EML4: variants seen among roughly 807,000 people sequenced by gnomAD.
The protein encoded by EML4 is EMAP like 4, also known as echinoderm microtubule-associated protein-like 4.
EML4 carries 72 observed loss-of-function variants against 129.0 expected under a neutral mutation model. That is an observed-to-expected ratio of 0.56 (90% CI 0.46 to 0.68). The LOEUF is 0.68. Ranked by LOEUF, EML4 falls within the 30% of genes least tolerant of loss-of-function variation. The probability of loss-of-function intolerance (pLI) is 0.00; values close to 1 mark genes in which losing one functional copy is unlikely to be tolerated. For missense variants in EML4, 1,363 were observed against 1,190.6 expected (o/e 1.14, Z -2.13); for synonymous variants, 532 against 405.0 (o/e 1.31, Z -3.77).
intron 11 of EML4, chr2:42,288,569 CAG>C (rs1274323116): frequency 4.4e-6 from 1 of 227,842 alleles, no homozygotes; most frequent in Non-Finnish European, 8.6e-6. Context: ...CCTGAAATGC[CAG>C]AGTAGATGGA....
chr2:42,180,136 C>T, intron 1 of EML4, among the ~76,000 whole-genome samples: 1 of 152,164 alleles, frequency 6.6e-6, no homozygotes, highest in Non-Finnish European at 1.5e-5. Flanking sequence ...TTGCATTATA[C>T]TTCATAGTAT....
chr2:42,208,008 C>T (rs924453310), intron 1 of EML4: 2 of 152,284 alleles, frequency 1.3e-5, no homozygotes, highest in East Asian at 1.9e-4. Flanking sequence ...TTCTGAAAGT[C>T]GGACATCAGT....
At chr2:42,261,373 T>G in intron 4 of EML4, 79 bp downstream of exon 4, 2 of 1,292,706 alleles carry the variant, frequency 1.5e-6, no homozygotes, top group South Asian at 1.9e-5. Context: ...AAAAGTTAGC[T>G]ATCCAAGGAT....
At chr2:42,189,889 G>A (rs1487410522) in intron 1 of EML4, among the ~76,000 whole-genome samples, 3 of 151,912 alleles carry the variant, frequency 2.0e-5, no homozygotes, top group African/African-American at 7.3e-5. Context: ...ATAGCTATAT[G>A]AAGACAGCTA....
chr2:42,258,495 T>C (rs1665494546), intron 3 of EML4, among the ~76,000 whole-genome samples: 1 of 152,066 alleles, frequency 6.6e-6, no homozygotes, highest in Admixed American at 6.5e-5. Flanking sequence ...GCACCTCCCG[T>C]GTTCAAGAGA....
chr2:42,330,094 G>T lies in EML4; in HGVS notation c.2833G>T (p.Gly945Cys), dbSNP rs752053546. 26 of 1,612,680 alleles carry T rather than the reference G, an allele frequency of 1.6e-5. No individual in the cohort carries two copies. The Admixed American group carries it at 2.8e-4, about 18-fold the overall frequency. Residue 945 changes from glycine to cysteine, a missense_variant, in exon 23 of 23, where the codon GGC becomes TGC. Gly to Cys is a radical substitution (Grantham distance 159, BLOSUM62 -3). Transcript: ENST00000318522. ...CCACAGCGAGGAGGAGAGTGAAGAG[G>T]GCAGCGGAGACCTTGGTGAGCCTCT... ...EDHSEEESEE[G>C]SGDLGEPLYE... is the part of the protein sequence containing the mutation.
intron 1 of EML4, among the ~76,000 whole-genome samples, chr2:42,231,889 C>CA (rs1674367530): frequency 6.6e-6 from 1 of 151,774 alleles, no homozygotes; most frequent in Admixed American, 6.6e-5. Context: ...GCAGAGCTTG[C>CA]AGTGAGCCAA....
chr2:42,316,433 C>G (rs1159310032), intron 18 of EML4, among the ~76,000 whole-genome samples: 3 of 152,218 alleles, frequency 2.0e-5, no homozygotes, highest in African/African-American at 7.2e-5. Flanking sequence ...CAGCGAAATT[C>G]AAAATACGCA....
At chr2:42,220,834 A>G (rs1202462349) in intron 1 of EML4, among the ~76,000 whole-genome samples, 1 of 152,184 alleles carries the variant, frequency 6.6e-6, no homozygotes, top group African/African-American at 2.4e-5. Flanking sequence ...GCCTTATTGC[A>G]GATACGGAGA....
intron 1 of EML4, among the ~76,000 whole-genome samples, chr2:42,193,774 C>G (rs553192151): frequency 3.6e-4 from 54 of 152,100 alleles, no homozygotes; most frequent in African/African-American, 1.2e-3. Context: ...CAGCCTTGAC[C>G]TCCTGGGCTC....
At chr2:42,228,937 CCTG>C (rs576801837) in intron 1 of EML4, among the ~76,000 whole-genome samples, 50 of 152,238 alleles carry the variant, frequency 3.3e-4, no homozygotes, top group Admixed American at 5.9e-4. Flanking sequence ...TTCACTGTCT[CCTG>C]CTAATTCCAA....
intron 1 of EML4, 88 bp from the exon 2 acceptor site, chr2:42,245,417 A>G (rs1414235088): frequency 6.3e-6 from 8 of 1,265,554 alleles, no homozygotes; most frequent in Middle Eastern, 2.7e-4. Flanking sequence ...CATCTTTTGT[A>G]AGTCTTATGT....
intron 19 of EML4, among the ~76,000 whole-genome samples, chr2:42,320,723 G>C (rs903363336): frequency 1.3e-5 from 2 of 152,138 alleles, no homozygotes; most frequent in African/African-American, 4.8e-5. Context: ...TCAGTTTTCA[G>C]TGGAATATTA....
intron 6 of EML4, among the ~76,000 whole-genome samples, chr2:42,271,149 C>T (rs1214363564): frequency 2.0e-5 from 3 of 152,214 alleles, no homozygotes; most frequent in Admixed American, 1.3e-4. Flanking sequence ...CTGCTTCAGC[C>T]TTCCAGAATG....
chr2:42,206,430 G>C (rs1672542881), intron 1 of EML4, among the ~76,000 whole-genome samples: 1 of 152,118 alleles, frequency 6.6e-6, no homozygotes, highest in South Asian at 2.1e-4. Context: ...TGCCCAGGCA[G>C]GTCCCAAACT....
At chr2:42,307,912 C>T (rs1019272220) in intron 17 of EML4, among the ~76,000 whole-genome samples, 1 of 152,212 alleles carries the variant, frequency 6.6e-6, no homozygotes, top group African/African-American at 2.4e-5. Context: ...GCCTGGGCCT[C>T]CCAGAGTACT....
intron 1 of EML4, among the ~76,000 whole-genome samples, chr2:42,213,565 C>T (rs905260273): frequency 1.3e-5 from 2 of 152,158 alleles, no homozygotes; most frequent in South Asian, 2.1e-4. Context: ...CCATTGCATA[C>T]TTTTATGTAC....
chr2:42,325,344 A>T (rs1669729685), intron 19 of EML4, 123 bp from the exon 20 acceptor site: 1 of 610,378 alleles, frequency 1.6e-6, no homozygotes, highest in South Asian at 1.4e-5. Context: ...AGGGTGTGAC[A>T]CTGCTTCCTC....
chr2:42,272,246 A>G (rs1302512527), intron 6 of EML4, among the ~76,000 whole-genome samples: 2 of 152,280 alleles, frequency 1.3e-5, no homozygotes, highest in East Asian at 3.9e-4. Flanking sequence ...ATATACCAAG[A>G]TTTCAAGGAA....
Sources: allele counts gnomAD v4.1 joint callset (sites outside exome capture counted in the v4.1 genomes callset), GRCh38; gene constraint gnomAD v4.1.1; transcripts MANE v1.5; gene names NCBI Gene and HGNC (gene_info 2026-07-23, HGNC 2026-07-21).